The following PRKG1 variants were observed in gnomAD, a reference collection of about 807,000 sequenced individuals.
PRKG1 encodes the protein cGMP-dependent protein kinase 1.
A neutral mutation model predicts 88.1 loss-of-function variants in PRKG1; 35 were observed. The observed-to-expected ratio is 0.40, with a 90% CI of 0.30 to 0.53. The LOEUF is 0.53. PRKG1 is among the 20% of genes least tolerant of loss of function. The pLI, the probability that PRKG1 is intolerant of heterozygous loss-of-function variation, is 0.59. For synonymous variants in PRKG1, 303 were observed against 292.5 expected, an observed-to-expected ratio of 1.04 and a Z score of -0.37; for missense variants, 540 against 839.8, an observed-to-expected ratio of 0.64 and a Z score of 4.41.
chr10:51,593,485 C>G (rs1473437784), intron 3 of PRKG1, among the ~76,000 whole-genome samples: 1 of 152,130 alleles, frequency 6.6e-6, no homozygotes, highest in African/African-American at 2.4e-5. Flanking sequence ...GAGTGCATGC[C>G]TGTTGAGTGT....
chr10:51,571,541 G>C (rs999625811), intron 3 of PRKG1, among the ~76,000 whole-genome samples: 9 of 151,794 alleles, frequency 5.9e-5, no homozygotes, highest in Non-Finnish European at 8.8e-5. Flanking sequence ...GTTTCATGAG[G>C]GGGTGAGGCA....
chr10:51,553,631 T>C (rs1351055227), intron 3 of PRKG1, among the ~76,000 whole-genome samples: 1 of 151,450 alleles, frequency 6.6e-6, no homozygotes, highest in Non-Finnish European at 1.5e-5. Context: ...ACTTTCTTCT[T>C]AAAATCTTTA....
At chr10:51,120,809 G>C (rs760248448) in intron 1 of PRKG1, among the ~76,000 whole-genome samples, 6 of 152,050 alleles carry the variant, frequency 3.9e-5, no homozygotes, top group Admixed American at 6.6e-5. Context: ...TATTGTTGCT[G>C]TAACAATACC....
At chr10:51,219,717 A>T (rs763201285) in intron 2 of PRKG1, among the ~76,000 whole-genome samples, 32 of 152,182 alleles carry the variant, frequency 2.1e-4, no homozygotes, top group Non-Finnish European at 3.5e-4. Context: ...CTCAAAAAAA[A>T]AATAATAATA....
At chr10:51,648,646 T>C (rs774579550) in intron 3 of PRKG1, among the ~76,000 whole-genome samples, 2 of 152,178 alleles carry the variant, frequency 1.3e-5, no homozygotes, top group Admixed American at 6.5e-5. Flanking sequence ...GCTCTGTAAA[T>C]ATTTTTCTTT....
chr10:51,152,457 T>C (rs1846096851), intron 1 of PRKG1, among the ~76,000 whole-genome samples: 1 of 152,102 alleles, frequency 6.6e-6, no homozygotes, highest in African/African-American at 2.4e-5. Flanking sequence ...AGGAATCCAA[T>C]TCTTTTTTAA....
chr10:51,920,096 C>G (rs560470918), intron 5 of PRKG1, among the ~76,000 whole-genome samples: 1 of 152,032 alleles, frequency 6.6e-6, no homozygotes, highest in African/African-American at 2.4e-5. Context: ...AAGAACTCAT[C>G]ATGAGGGCAT....
intron 1 of PRKG1, among the ~76,000 whole-genome samples, chr10:51,141,502 G>A (rs10995841): frequency 0.084 from 12,817 of 152,148 alleles, 600 homozygotes; most frequent in Admixed American, 0.12. Context: ...TTATAGTTGT[G>A]TTTTAAAACC....
chr10:51,193,150 T>C (rs989654684), intron 2 of PRKG1, among the ~76,000 whole-genome samples: 4 of 152,016 alleles, frequency 2.6e-5, no homozygotes, highest in Non-Finnish European at 5.9e-5. Flanking sequence ...TAATTATTAG[T>C]TGAATGACAG....
intron 5 of PRKG1, among the ~76,000 whole-genome samples, chr10:51,916,311 C>T (rs963992989): frequency 1.3e-5 from 2 of 152,280 alleles, no homozygotes; most frequent in South Asian, 2.1e-4. Flanking sequence ...CAAGAGTGAC[C>T]TCTGGTCGTC....
chr10:51,896,645 TAAAAAAAAAA>T (rs10649150), intron 4 of PRKG1, among the ~76,000 whole-genome samples: 10 of 95,002 alleles, frequency 1.1e-4, no homozygotes, highest in Non-Finnish European at 1.7e-4. Flanking sequence ...CCCTGTCTCT[TAAAAAAAAAA>T]AAAAAAAAAA....
intron 3 of PRKG1, among the ~76,000 whole-genome samples, chr10:51,626,137 A>G (rs747169919): frequency 7.9e-5 from 12 of 152,226 alleles, no homozygotes; most frequent in Non-Finnish European, 1.5e-4. Flanking sequence ...TGGTGTATAC[A>G]GTAGAAATGT....
intron 5 of PRKG1, among the ~76,000 whole-genome samples, chr10:52,004,831 G>A (rs1392319086): frequency 6.6e-6 from 1 of 152,174 alleles, no homozygotes; most frequent in Non-Finnish European, 1.5e-5. Flanking sequence ...GGAGACTGAG[G>A]TGGGAAGATT....
intron 2 of PRKG1, among the ~76,000 whole-genome samples, chr10:51,382,137 T>C (rs556243894): frequency 2.0e-5 from 3 of 152,148 alleles, no homozygotes; most frequent in Admixed American, 6.6e-5. Context: ...TTAAGAAAGA[T>C]GGGACTGAGT....
At chr10:52,090,666 G>A (rs914843524) in intron 7 of PRKG1, among the ~76,000 whole-genome samples, 2 of 152,114 alleles carry the variant, frequency 1.3e-5, no homozygotes, top group Admixed American at 6.5e-5. Context: ...AATTACCATA[G>A]TCCTTCTAAC....
At chr10:51,795,588 C>A (rs1838988823) in intron 3 of PRKG1, among the ~76,000 whole-genome samples, 1 of 152,028 alleles carries the variant, frequency 6.6e-6, no homozygotes, top group African/African-American at 2.4e-5. Context: ...TGTTGGGAAG[C>A]AGTTATGCGC....
Position 52,296,751 on chromosome 10 carries a change from G to A in PRKG1, c.*2851G>A, listed in dbSNP as rs572205680. ...AAGCAACATTAAAACAACTGGGATA[G>A]ATTGAATACATTTGAAAAAATAATT... On this transcript the variant is annotated 3_prime_UTR_variant, in exon 18 of 18. Coordinates refer to ENST00000373980, the MANE Select transcript of PRKG1 (RefSeq NM_006258.4). The A allele has an allele frequency of 6.6e-6, 1 of 152,118 alleles. No individual in the cohort carries two copies. The highest frequency in any genetic ancestry group is 2.4e-5 in the African/African-American group (1 of 41,524). 9.4% of individuals were successfully genotyped at this position (152,118 alleles called of 1,614,324 possible).
intron 7 of PRKG1, among the ~76,000 whole-genome samples, chr10:52,109,576 G>A (rs977018362): frequency 7.2e-5 from 11 of 152,082 alleles, no homozygotes; most frequent in Non-Finnish European, 1.3e-4. Context: ...AGACCAGCCT[G>A]GCCAACATAG....
intron 2 of PRKG1, among the ~76,000 whole-genome samples, chr10:51,394,594 A>G (rs1181159937): frequency 6.6e-6 from 1 of 152,238 alleles, no homozygotes; most frequent in Non-Finnish European, 1.5e-5. Flanking sequence ...TTTTAAGCCC[A>G]CAAAGTAGAT....
Sources: gnomAD v4.1 joint callset for allele counts (sites outside exome capture counted in the v4.1 genomes callset) on GRCh38, gnomAD v4.1.1 for gene constraint, MANE v1.5 for transcripts, NCBI Gene and HGNC (gene_info 2026-07-23, HGNC 2026-07-21) for gene names.